MS4A1: variants seen among roughly 807,000 people sequenced by gnomAD.
The protein encoded by MS4A1 is B-lymphocyte antigen CD20.
MS4A1 carries 16 observed loss-of-function variants against 26.5 expected under a neutral mutation model. That is an observed-to-expected ratio of 0.60 (90% CI 0.41 to 0.92). The LOEUF (loss-of-function observed/expected upper bound fraction) is 0.92. MS4A1 is among the 40% of genes least tolerant of loss of function. MS4A1 has a pLI of 0.00. For missense variants in MS4A1, 350 were observed against 353.0 expected (o/e 0.99, Z 0.07); for synonymous variants, 128 against 117.6 (o/e 1.09, Z -0.57).
chr11:60,464,051 C>A (rs2086270504), intron 4 of MS4A1: 1 of 567,652 alleles, frequency 1.8e-6, no homozygotes, highest in Non-Finnish European at 3.2e-6. Flanking sequence ...AGTCACAGAT[C>A]CCCAGATGAT....
In MS4A1 at chr11:60,463,104, C is replaced by G; in HGVS notation, c.262C>G (p.Leu88Val). 6.2e-7 allele frequency: 1 copy of G among 1,614,186 alleles called. No homozygotes were observed. Among genetic ancestry groups the G allele is most frequent in the Non-Finnish European group, 8.5e-7 (1 of 1,180,030 alleles). Residue 88 changes from leucine (L) to valine (V), a missense_variant, in exon 4 of 8, where the codon CTC (leucine) becomes GTC (valine). By Grantham distance (32) the Leu-to-Val change is conservative (BLOSUM62 1). Coordinates refer to ENST00000345732, the MANE Select transcript of MS4A1 (RefSeq NM_152866.3). ...CATCTGTGTGACTGTGTGGTACCCTCTCTGGGGAGGCATTATGGTGAGTAA... is the reference window on the plus strand; with the variant it reads ...CATCTGTGTGACTGTGTGGTACCCTGTCTGGGGAGGCATTATGGTGAGTAA... ...APICVTVWYPLWGGIMYIISG... is the reference protein window; with the variant it reads ...APICVTVWYPVWGGIMYIISG...
intron 4 of MS4A1, chr11:60,463,849 G>T: frequency 2.2e-6 from 1 of 448,822 alleles, no homozygotes; most frequent in Non-Finnish European, 4.5e-6. Flanking sequence ...TGCCATTCAG[G>T]TCAAGTATTT....
intron 3 of MS4A1, 38 bp downstream of exon 3, chr11:60,462,571 C>G: frequency 1.9e-6 from 3 of 1,613,108 alleles, no homozygotes; most frequent in Non-Finnish European, 2.5e-6. Flanking sequence ...CGTAGGGATT[C>G]TCTGGCTGAC....
intron 3 of MS4A1, 42 bp from the exon 4 acceptor site, chr11:60,462,957 GTGA>G: frequency 6.2e-7 from 1 of 1,610,466 alleles, no homozygotes. Context: ...CCTGCTAGCA[GTGA>G]TGATTTCAGC....
rs1350279662 is a variant in MS4A1, at chr11:60,466,158, G to T, written c.573+1G>T. 31 of 1,599,538 alleles carry T rather than the reference G, an allele frequency of 1.9e-5. No homozygotes were observed. The highest frequency in any genetic ancestry group is 2.7e-5 in the Non-Finnish European group (31 of 1,167,066). ...TTACAGCATACAATCTCTGTTCTTG[G>T]TAAGTGTTCTTGGTAAGTGTGAGAT... On this transcript the variant is annotated splice_donor_variant, in intron 6 of 7. Transcript: ENST00000345732. LOFTEE classifies it high-confidence loss of function.
At chr11:60,457,738 T>C (rs2086215878) in intron 1 of MS4A1, among the ~76,000 whole-genome samples, 1 of 152,152 alleles carries the variant, frequency 6.6e-6, no homozygotes, top group Non-Finnish European at 1.5e-5. Flanking sequence ...AGCACAGTCC[T>C]CAAAGACCAG....
intron 1 of MS4A1, among the ~76,000 whole-genome samples, chr11:60,457,003 T>C (rs537141354): frequency 7.6e-4 from 115 of 152,298 alleles, no homozygotes; most frequent in African/African-American, 2.8e-3. Flanking sequence ...ACTGAGCTCA[T>C]AGTACATAGA....
At chr11:60,456,337 CATT>C (rs1762030139) in intron 1 of MS4A1, among the ~76,000 whole-genome samples, 1 of 152,170 alleles carries the variant, frequency 6.6e-6, no homozygotes, top group African/African-American at 2.4e-5. Context: ...CAATGGTACC[CATT>C]ACATTAGGAA....
intron 3 of MS4A1, 113 bp downstream of exon 3, chr11:60,462,646 T>C: frequency 7.2e-7 from 1 of 1,396,980 alleles, no homozygotes; most frequent in South Asian, 1.2e-5. Context: ...GGATCCAACC[T>C]GATGTCTTCT....
chr11:60,465,331 T>G (rs1237306228), intron 5 of MS4A1, among the ~76,000 whole-genome samples: 1 of 152,224 alleles, frequency 6.6e-6, no homozygotes, highest in East Asian at 1.9e-4. Flanking sequence ...GCCCTAATTG[T>G]ATTTTGGAAG....
rs1471560527 is a variant in MS4A1 at position 60,468,631 on chromosome 11, T to C, written c.*163T>C. ...AGCTCCTTCTCTCTTACATTGAATGTAGAGAATGTAGCCATTGTAGCAGCT... is the reference window on the plus strand; with the variant it reads ...AGCTCCTTCTCTCTTACATTGAATGCAGAGAATGTAGCCATTGTAGCAGCT... On this transcript the variant is annotated 3_prime_UTR_variant, in exon 8 of 8. Coordinates refer to ENST00000345732, the MANE Select transcript of MS4A1 (RefSeq NM_152866.3). 4.5e-5 allele frequency: 31 copies of C among 687,232 alleles called. No individual in the cohort carries two copies. The East Asian group carries it at 7.9e-4, about 17-fold the overall frequency. 42.6% of individuals were successfully genotyped at this position (687,232 alleles called of 1,614,324 possible).
intron 4 of MS4A1, chr11:60,463,788 C>G (rs1052710350): frequency 2.2e-6 from 1 of 455,652 alleles, no homozygotes; most frequent in Admixed American, 2.3e-5. Context: ...GGAAGATGAG[C>G]AATAGTCATC....
Position 60,462,053 on chromosome 11 carries a change from G to A in MS4A1, c.-190-132G>A, listed in dbSNP as rs769443017. On this transcript the variant is annotated intron_variant, in intron 2 of 7. Coordinates refer to ENST00000345732, the MANE Select transcript of MS4A1 (RefSeq NM_152866.3). ...GCATCCAGGAATAAGAAACAAAGAG[G>A]ACATGCAGTCATATATGCAAGGTGT... 9.0e-4 allele frequency: 372 copies of A among 415,158 alleles called. 1 individual carries two copies. The highest frequency in any genetic ancestry group is 6.4e-4 in the Non-Finnish European group (140 of 220,192). 25.7% of individuals were successfully genotyped at this position (415,158 alleles called of 1,614,324 possible). A position where few individuals can be genotyped will look rare whatever the true frequency, so the allele number is the denominator to read the frequency against.
At position 60,463,176 on chromosome 11, in the gene MS4A1, G is replaced by T; in HGVS notation, c.279+55G>T. On this transcript the variant is annotated intron_variant, in intron 4 of 7. Transcript: ENST00000345732. ...AATGGTGCAGACAAAAATGTTAAAA[G>T]GCTCCACAGGGATATGCCAGATTAT... 3.1e-6 allele frequency: 5 copies of T among 1,610,140 alleles called. No individual in the cohort carries two copies. In the South Asian group the frequency reaches 4.4e-5, roughly 14 times the overall value.
Position 60,468,361 on chromosome 11 carries a change from G to T in MS4A1, c.787G>T (p.Glu263Ter). 1 of 1,614,074 alleles carries T rather than the reference G, an allele frequency of 6.2e-7. No homozygotes were observed. The highest frequency in any genetic ancestry group is 8.5e-7 in the Non-Finnish European group (1 of 1,179,986). ...SSQPKNEEDIEIIPIQEEEEE... is the reference protein window; with the variant it reads ...SSQPKNEEDI ...CCAACCAAAGAATGAAGAAGACATT[G>T]AAATTATTCCAATCCAAGAAGAGGA... Residue 263 changes from glutamate (E) to a stop codon, truncating the protein, a stop_gained, in exon 8 of 8, where the codon GAA (glutamate) becomes TAA (stop). Transcript: ENST00000345732. LOFTEE classifies it high-confidence loss of function.
chr11:60,457,787 T>C (rs1352878720), intron 1 of MS4A1, among the ~76,000 whole-genome samples: 1 of 152,052 alleles, frequency 6.6e-6, no homozygotes, highest in Admixed American at 6.5e-5. Flanking sequence ...TTGCCAAGCA[T>C]TGAGAAGTGA....
At chr11:60,463,483 C>T (rs1010797574) in intron 4 of MS4A1, among the ~76,000 whole-genome samples, 1 of 152,212 alleles carries the variant, frequency 6.6e-6, no homozygotes, top group Admixed American at 6.5e-5. Context: ...CCATCTACCC[C>T]TTCTTGCTTA....
chr11:60,468,120 T>C, intron 7 of MS4A1, 130 bp from the exon 8 acceptor site: 1 of 875,228 alleles, frequency 1.1e-6, no homozygotes, highest in African/African-American at 1.7e-5. Flanking sequence ...AATTTTGGCA[T>C]TTAAAGGCAT....
At chr11:60,459,134 C>T (rs2086227911) in intron 1 of MS4A1, among the ~76,000 whole-genome samples, 2 of 152,256 alleles carry the variant, frequency 1.3e-5, no homozygotes, top group African/African-American at 4.8e-5. Flanking sequence ...AAAACAATGG[C>T]AGTCCAATCA....
Sources: gnomAD v4.1 joint callset for allele counts (sites outside exome capture counted in the v4.1 genomes callset) on GRCh38, gnomAD v4.1.1 for gene constraint, MANE v1.5 for transcripts, NCBI Gene and HGNC (gene_info 2026-07-23, HGNC 2026-07-21) for gene names.